Variants in TMEM179 observed in about 807,000 individuals in gnomAD.
TMEM179 encodes the protein transmembrane protein 179, also known as transmembrane protein 179A.
TMEM179 carries 17 observed loss-of-function variants against 22.2 expected under a neutral mutation model. The observed-to-expected ratio is 0.77, with a 90% CI of 0.52 to 1.15. TMEM179 has a LOEUF of 1.15. Among genes scored for constraint, TMEM179 ranks in the 50% most tolerant of loss-of-function variants. The probability of loss-of-function intolerance (pLI) is 0.00; values close to 1 mark genes in which losing one functional copy is unlikely to be tolerated. For missense variants in TMEM179, 265 were observed against 313.6 expected, an observed-to-expected ratio of 0.84 and a Z score of 1.17; for synonymous variants, 127 against 140.5, an observed-to-expected ratio of 0.90 and a Z score of 0.68.
At chr14:104,594,954 C>A in intron 3 of TMEM179, 1 of 1,408,580 alleles carries the variant, frequency 7.1e-7, no homozygotes. Flanking sequence ...TGGCCATCTC[C>A]TCCCCAAACC....
rs1887342640 is a variant in TMEM179, at chr14:104,604,288, G to A, written c.305+149C>T. 1 of 855,550 alleles carries A rather than the reference G, an allele frequency of 1.2e-6. No homozygotes were observed. The highest frequency in any genetic ancestry group is 1.8e-5 in the African/African-American group (1 of 55,210). The allele number at this position is 855,550 out of a possible 1,614,324, so 53.0% of individuals were successfully genotyped here. A position where few individuals can be genotyped will look rare whatever the true frequency, so the allele number is the denominator to read the frequency against. On this transcript the variant is annotated intron_variant, in intron 1 of 3. Coordinates refer to ENST00000556573, the MANE Select transcript of TMEM179 (RefSeq NM_001286389.2). This position sits in a 1 kb window ranked among gnomAD's most constrained non-coding sequence, Gnocchi z 4.6. The stretch of plus-strand genomic sequence containing the variant: ...TGTGTGTGTAGACAAAGGGCGGTCT[G>A]AGTGGAGGGGGTGAGGGCGGATTGT...
intron 1 of TMEM179, among the ~76,000 whole-genome samples, chr14:104,600,541 G>A (rs991148236): frequency 1.2e-4 from 19 of 152,204 alleles, no homozygotes; most frequent in African/African-American, 4.6e-4. Context: ...CCCCGAAATG[G>A]CAAGCCTCTC....
chr14:104,603,596 G>T (rs1198300415), intron 1 of TMEM179, among the ~76,000 whole-genome samples: 2 of 143,932 alleles, frequency 1.4e-5, no homozygotes, highest in Non-Finnish European at 3.0e-5. Flanking sequence ...TCACAGAGGG[G>T]GTGGGTGGAT....
At chr14:104,598,926 G>A (rs561202258) in intron 1 of TMEM179, among the ~76,000 whole-genome samples, 3 of 152,218 alleles carry the variant, frequency 2.0e-5, no homozygotes, top group Non-Finnish European at 2.9e-5. Flanking sequence ...ACTCACACAC[G>A]TACGCGTGGG....
Position 104,591,175 on chromosome 14 carries a change from T to C in TMEM179, c.*2304A>G, listed in dbSNP as rs765387083. On this transcript the variant is annotated 3_prime_UTR_variant, in exon 4 of 4. Transcript: ENST00000556573. ...AGTCCAGGGTGGGTCTATGTCTGCA[T>C]GCAGCCGAGGATTTCCATCACCCTG... The C allele has an allele frequency of 1.4e-5, 5 of 357,622 alleles. No homozygotes were observed. The highest frequency in any genetic ancestry group is 2.2e-5 in the Non-Finnish European group (4 of 182,042). The allele number at this position is 357,622 out of a possible 1,614,324, so 22.2% of individuals were successfully genotyped here.
At chr14:104,594,425 G>A in intron 3 of TMEM179, 4 of 1,231,812 alleles carry the variant, frequency 3.2e-6, no homozygotes, top group Non-Finnish European at 4.0e-6. Context: ...ATCAGTGCTG[G>A]CAGGAGCCAG....
intron 1 of TMEM179, among the ~76,000 whole-genome samples, chr14:104,603,680 G>A (rs969655848): frequency 2.6e-5 from 4 of 151,176 alleles, no homozygotes; most frequent in African/African-American, 9.8e-5. Flanking sequence ...GGAGTGGGTG[G>A]GCTCACAGAG....
chr14:104,600,398 G>T (rs1055774158), intron 1 of TMEM179, among the ~76,000 whole-genome samples: 1 of 152,186 alleles, frequency 6.6e-6, no homozygotes, highest in African/African-American at 2.4e-5. Flanking sequence ...GCTCAGCGCC[G>T]GCACGGGCAG....
In TMEM179 at chr14:104,604,449, T is replaced by C. The variant is rs1308373425; in HGVS notation, c.293A>G (p.Lys98Arg). The C allele has an allele frequency of 4.4e-6, 7 of 1,576,232 alleles. No individual in the cohort carries two copies. Among genetic ancestry groups the C allele is most frequent in the Non-Finnish European group, 6.0e-6 (7 of 1,166,768 alleles). The change falls in exon 1 of 4, where the codon AAG becomes AGG. Residue 98 changes from lysine to arginine, a missense_variant. Physicochemically the swap from Lys to Arg is conservative, Grantham distance 26. Coordinates refer to ENST00000556573, the MANE Select transcript of TMEM179 (RefSeq NM_001286389.2). This position sits in a 1 kb window ranked among gnomAD's most constrained non-coding sequence, Gnocchi z 4.6. ...GGCCCCCACTTACCCCTCGTGTCCC[T>C]TGCAGAGGAAGAAGAGCGTGCGCCA... is the stretch of plus-strand genomic sequence containing the variant. ...HAWRTLFFLC[K>R]GHEGSFFSAF...
Position 104,592,570 on chromosome 14 carries a change from A to ATG in TMEM179, c.*908_*909insCA, listed in dbSNP as rs1886884189. On this transcript the variant is annotated 3_prime_UTR_variant, in exon 4 of 4. Transcript: ENST00000556573. ...GTCACACACTCTCACATGCAGTCAC[A>ATG]CCCTCTCGTGCACACTCAGTGACAC... The ATG allele has an allele frequency of 6.5e-6, 1 of 153,240 alleles. No individual in the cohort carries two copies. Among genetic ancestry groups the ATG allele is most frequent in the South Asian group, 1.9e-4 (1 of 5,368 alleles). The allele number at this position is 153,240 out of a possible 1,614,324, so 9.5% of individuals were successfully genotyped here. A position where few individuals can be genotyped will look rare whatever the true frequency, so the allele number is the denominator to read the frequency against.
intron 1 of TMEM179, among the ~76,000 whole-genome samples, chr14:104,601,371 G>A (rs1012759268): frequency 3.9e-5 from 6 of 152,174 alleles, no homozygotes; most frequent in African/African-American, 9.7e-5. Flanking sequence ...GGACTCCTAC[G>A]CACCATCCCC....
At chr14:104,600,570 C>CCATTCATTCATCCATTCATT (rs1487007412) in intron 1 of TMEM179, among the ~76,000 whole-genome samples, 27 of 152,060 alleles carry the variant, frequency 1.8e-4, no homozygotes, top group African/African-American at 6.0e-4. Context: ...AGGTGCCATT[C>CCATTCATTCATCCATTCATT]CATTCATTCA....
intron 3 of TMEM179, chr14:104,594,302 C>G (rs1886944291): frequency 8.1e-7 from 1 of 1,231,590 alleles, no homozygotes; most frequent in African/African-American, 1.5e-5. Context: ...CCATGTCCAG[C>G]ACCCTTGGAG....
In TMEM179 at chr14:104,597,180, C is replaced by A. The variant is rs1887057938; in HGVS notation, c.306-53G>T. The A allele has an allele frequency of 2.0e-6, 3 of 1,528,866 alleles. No individual in the cohort carries two copies. Among genetic ancestry groups the A allele is most frequent in the East Asian group, 4.9e-5 (2 of 40,888 alleles). 94.7% of individuals were successfully genotyped at this position (1,528,866 alleles called of 1,614,324 possible). A position where few individuals can be genotyped will look rare whatever the true frequency, so the allele number is the denominator to read the frequency against. On this transcript the variant is annotated intron_variant, in intron 1 of 3. Transcript: ENST00000556573. The surrounding 1 kb of genome is among the most constrained non-coding windows in gnomAD (Gnocchi z 4.8). ...TCACTGGACACCACCTCCCAGGCGA[C>A]CCCCGCCCCCAGGCTGCAGCCAGAA...
At position 104,591,690 on chromosome 14, in the gene TMEM179, G is replaced by A. The variant is rs1160978242; in HGVS notation, c.*1789C>T. On this transcript the variant is annotated 3_prime_UTR_variant, in exon 4 of 4. Transcript: ENST00000556573. ...ACCCTCCATGTGGACCCAGGCACGT[G>A]GCCTCCAGGAGGCTGGTGCCCAGCC... 3.2e-6 allele frequency: 1 copy of A among 308,778 alleles called. No individual in the cohort carries two copies. The highest frequency in any genetic ancestry group is 6.3e-6 in the Non-Finnish European group (1 of 158,608). The allele number at this position is 308,778 out of a possible 1,614,324, so 19.1% of individuals were successfully genotyped here. A position where few individuals can be genotyped will look rare whatever the true frequency, so the allele number is the denominator to read the frequency against.
chr14:104,597,674 C>T lies in TMEM179; in HGVS notation c.306-547G>A, dbSNP rs189965962. On this transcript the variant is annotated intron_variant, in intron 1 of 3. Transcript: ENST00000556573. The surrounding 1 kb of genome is among the most constrained non-coding windows in gnomAD (Gnocchi z 4.8). ...GCAGATAACGACACAGCAAGAGGAA[C>T]GGGCCCTCAGCAGGCATCGAACCTG... is the stretch of plus-strand genomic sequence containing the variant. Among the ~76,000 whole-genome samples, 3 of 152,252 alleles carry T rather than the reference C, an allele frequency of 2.0e-5. No homozygotes were observed. The highest frequency in any genetic ancestry group is 4.4e-5 in the Non-Finnish European group (3 of 68,004).
rs1326292591 is a variant in TMEM179 at position 104,595,965 on chromosome 14, C to T, written c.444-722G>A. On this transcript the variant is annotated intron_variant, in intron 2 of 3. Transcript: ENST00000556573. The surrounding 1 kb of genome is among the most constrained non-coding windows in gnomAD (Gnocchi z 5.7). ...AACAGTGTCTGTGAGGCCAAGGAAACTTTGCGTGTGTACCAGAGGTTGCCC... is the reference window on the plus strand; with the variant it reads ...AACAGTGTCTGTGAGGCCAAGGAAATTTTGCGTGTGTACCAGAGGTTGCCC... Among the ~76,000 whole-genome samples the T allele has an allele frequency of 6.6e-6, 1 of 152,368 alleles. No homozygotes were observed. The highest frequency in any genetic ancestry group is 1.9e-4 in the East Asian group (1 of 5,184).
rs972502095 is a variant in TMEM179 at position 104,591,803 on chromosome 14, G to A, written c.*1676C>T. On this transcript the variant is annotated 3_prime_UTR_variant, in exon 4 of 4. Coordinates refer to ENST00000556573, the MANE Select transcript of TMEM179 (RefSeq NM_001286389.2). The stretch of plus-strand genomic sequence containing the variant: ...GGGCTCGCCTCTCCCCGGGAAGGTG[G>A]GCGCAGCAGCAGGGAGCACTTGGCA... 4.3e-5 allele frequency: 9 copies of A among 207,376 alleles called. No individual in the cohort carries two copies. The highest frequency in any genetic ancestry group is 1.1e-4 in the Admixed American group (2 of 18,752). 12.8% of individuals were successfully genotyped at this position (207,376 alleles called of 1,614,324 possible).
rs542365744 is a variant in TMEM179, at chr14:104,598,291, A to G, written c.306-1164T>C. Among the ~76,000 whole-genome samples the G allele has an allele frequency of 2.0e-4, 30 of 152,342 alleles. No individual in the cohort carries two copies. In the South Asian group the frequency reaches 3.1e-3, roughly 16 times the overall value. ...GGGGACTTCCTCACGGGCGGACACC[A>G]GCACTAGCAGCATGGCTGAGAAGGG... On this transcript the variant is annotated intron_variant, in intron 1 of 3. Transcript: ENST00000556573.
Sources: allele counts gnomAD v4.1 joint callset (sites outside exome capture counted in the v4.1 genomes callset), GRCh38; gene constraint gnomAD v4.1.1; non-coding constraint Gnocchi (gnomAD v3.1); transcripts MANE v1.5; gene names NCBI Gene and HGNC (gene_info 2026-07-23, HGNC 2026-07-21).